NUTM2F: variants seen among roughly 807,000 people sequenced by gnomAD.
NUTM2F encodes family with sequence similarity 22, member F.
NUTM2F carries 22 observed loss-of-function variants against 43.3 expected under a neutral mutation model. The ratio of observed to expected loss-of-function variants is 0.51; its 90% CI spans 0.36 to 0.73. NUTM2F has a LOEUF of 0.73. NUTM2F is among the 30% of genes least tolerant of loss of function. The pLI is 0.00. For synonymous variants in NUTM2F, 202 were observed against 389.0 expected, an observed-to-expected ratio of 0.52 and a Z score of 5.66; for missense variants, 488 against 927.4, an observed-to-expected ratio of 0.53 and a Z score of 6.15.
intron 2 of NUTM2F, among the ~76,000 whole-genome samples, chr9:94,324,517 G>A (rs574896739): frequency 6.6e-6 from 1 of 151,234 alleles, no homozygotes; most frequent in Non-Finnish European, 1.5e-5. Context: ...AAAAAAATTA[G>A]CCGGGCATGG....
At chr9:94,327,248 C>T (rs1346657067) in intron 1 of NUTM2F, among the ~76,000 whole-genome samples, 2 of 151,966 alleles carry the variant, frequency 1.3e-5, no homozygotes, top group Non-Finnish European at 2.9e-5. Context: ...GGATTACAGG[C>T]GCCCGCCACC....
At position 94,325,732 on chromosome 9, in the gene NUTM2F, C is replaced by G. The variant is rs2479581; in HGVS notation, c.219G>C (p.Pro73=). Residue 73 remains proline (P), a synonymous_variant, in exon 2 of 7, where the codon CCG becomes CCC. Transcript: ENST00000253262. ...AGACGTTGGAAGCCCCGGCCCCACT[C>G]GGGCCGCGGCCATCCTGTCCTGCCA... ...PLVAGQDGRG[P]SGAGASNVFV... 1 of 1,611,040 alleles carries G rather than the reference C, an allele frequency of 6.2e-7. No homozygotes were observed. Among genetic ancestry groups the G allele is most frequent in the African/African-American group, 1.3e-5 (1 of 74,342 alleles).
At chr9:94,325,996 G>T (rs549816818) in intron 1 of NUTM2F, 62 bp from the exon 2 acceptor site, 15 of 1,590,766 alleles carry the variant, frequency 9.4e-6, no homozygotes, top group South Asian at 7.9e-5. Flanking sequence ...TAGTCACTGG[G>T]GAATCAGGGG....
Position 94,323,860 on chromosome 9 carries a change from T to A in NUTM2F, c.713+1378A>T, listed in dbSNP as rs542322402. ...TGCTAACTGGACCGCGGCAGAACAG[T>A]GTGGGTGTGTGCCAGGTTCCTGCTG... On this transcript the variant is annotated intron_variant, in intron 2 of 6. Coordinates refer to ENST00000253262, the MANE Select transcript of NUTM2F (RefSeq NM_017561.2). Among the ~76,000 whole-genome samples the A allele has an allele frequency of 5.0e-3, 766 of 152,052 alleles. 3 individuals carry two copies. The highest frequency in any genetic ancestry group is 0.016 in the African/African-American group (678 of 41,464).
At position 94,325,766 on chromosome 9, in the gene NUTM2F, G is replaced by A. The variant is rs1831444773; in HGVS notation, c.185C>T (p.Thr62Ile). The A allele has an allele frequency of 2.5e-6, 4 of 1,612,138 alleles. No homozygotes were observed. Among genetic ancestry groups the A allele is most frequent in the Middle Eastern group, 4.2e-4 (2 of 4,740 alleles). Residue 62 changes from threonine to isoleucine, a missense_variant, in exon 2 of 7, where the codon ACC (threonine) becomes ATC (isoleucine). By Grantham distance (89) the Thr-to-Ile change is moderately conservative (BLOSUM62 -1). Coordinates refer to ENST00000253262, the MANE Select transcript of NUTM2F (RefSeq NM_017561.2). ...GCCATCCTGTCCTGCCACTAGAGGG[G>A]TGCTGGGGAAGGCAGAGAGCACCAG... ...GPLVLSAFPS[T>I]PLVAGQDGRG... is the part of the protein sequence containing the mutation.
At chr9:94,323,350 G>T (rs1041553876) in intron 2 of NUTM2F, among the ~76,000 whole-genome samples, 1 of 152,240 alleles carries the variant, frequency 6.6e-6, no homozygotes, top group African/African-American at 2.4e-5. Flanking sequence ...TGGCCAGTGT[G>T]TTGCACGGTG....
rs367622915 is a variant in NUTM2F at position 94,325,914 on chromosome 9, C to T, written c.37G>A (p.Gly13Ser). 9.6e-5 allele frequency: 155 copies of T among 1,611,772 alleles called. No homozygotes were observed. Among genetic ancestry groups the T allele is most frequent in the Non-Finnish European group, 1.2e-4 (144 of 1,179,802 alleles). Residue 13 changes from glycine (G) to serine (S), a missense_variant, in exon 2 of 7, where the codon GGC (glycine) becomes AGC (serine). Transcript: ENST00000253262. ...GAGGTGCCAGGGTTCACGGTCACGC[C>T]GGGTCCCAGCACTGGGTATGCTGTG... is the stretch of plus-strand genomic sequence containing the variant. ...SNGAYPVLGP[G>S]VTVNPGTSLS... is the part of the protein sequence containing the mutation.
Position 94,319,604 on chromosome 9 carries a change from C to T in NUTM2F, c.1485+9G>A. 1.2e-6 allele frequency: 2 copies of T among 1,612,454 alleles called. No homozygotes were observed. Among genetic ancestry groups the T allele is most frequent in the Non-Finnish European group, 1.7e-6 (2 of 1,179,852 alleles). On this transcript the variant is annotated intron_variant, in intron 6 of 6. Coordinates refer to ENST00000253262, the MANE Select transcript of NUTM2F (RefSeq NM_017561.2). ...GAGTACCTGGGTTCCCCTCCCTCCG[C>T]TGCTCTACCTGGGCAAGGGTGAGTC... is the stretch of plus-strand genomic sequence containing the variant.
At chr9:94,324,225 T>G (rs536605587) in intron 2 of NUTM2F, among the ~76,000 whole-genome samples, 168 of 150,250 alleles carry the variant, frequency 1.1e-3, no homozygotes, top group East Asian at 3.8e-3. Flanking sequence ...AGCCAAGATC[T>G]CACCATTGCA....
rs1831354694 is a variant in NUTM2F, at chr9:94,320,911, A to G, written c.982+182T>C. On this transcript the variant is annotated intron_variant, in intron 4 of 6. Transcript: ENST00000253262. The surrounding 1 kb of genome is among the most constrained non-coding windows in gnomAD (Gnocchi z 4.5). ...GGCCCGGTCAATACCCTGCTTCGTG[A>G]TCACGGGCCACCCATGAAGTAGGTA... Among the ~76,000 whole-genome samples the G allele has an allele frequency of 6.6e-6, 1 of 152,172 alleles. No individual in the cohort carries two copies. Among genetic ancestry groups the G allele is most frequent in the Non-Finnish European group, 1.5e-5 (1 of 68,030 alleles).
chr9:94,324,511 A>C (rs1272948645), intron 2 of NUTM2F, among the ~76,000 whole-genome samples: 1 of 150,116 alleles, frequency 6.7e-6, no homozygotes, highest in Non-Finnish European at 1.5e-5. Flanking sequence ...AAATACAAAA[A>C]AATTAGCCGG....
chr9:94,322,500 A>T (rs7874524), intron 2 of NUTM2F, among the ~76,000 whole-genome samples, 171 bp from the exon 3 acceptor site: 12,084 of 152,174 alleles, frequency 0.079, 525 homozygotes, highest in Non-Finnish European at 0.1. Flanking sequence ...AAGATCCAAC[A>T]TCAATAGAAG....
intron 1 of NUTM2F, among the ~76,000 whole-genome samples, chr9:94,326,346 C>G (rs1831452502): frequency 6.6e-6 from 1 of 151,542 alleles, no homozygotes. Context: ...TTCAGAAGGC[C>G]GACAGGAAAC....
Position 94,325,668 on chromosome 9 carries a change from G to T in NUTM2F, c.283C>A (p.Pro95Thr). Residue 95 changes from proline (P) to threonine (T), a missense_variant, in exon 2 of 7, where the codon CCT becomes ACT. Pro to Thr is a conservative substitution (Grantham distance 38). Coordinates refer to ENST00000253262, the MANE Select transcript of NUTM2F (RefSeq NM_017561.2). ...GTTAGGATCAAGGTCTGTGCCTGAG[G>T]GGGCTTCACAGGCCCCACTTCTGTC... is the stretch of plus-strand genomic sequence containing the variant. ...MRTEVGPVKP[P>T]QAQTLILTQA... The T allele has an allele frequency of 6.2e-7, 1 of 1,610,530 alleles. No homozygotes were observed. Among genetic ancestry groups the T allele is most frequent in the African/African-American group, 1.3e-5 (1 of 74,776 alleles).
intron 2 of NUTM2F, among the ~76,000 whole-genome samples, chr9:94,324,807 A>G (rs1056629252): frequency 6.6e-6 from 1 of 151,646 alleles, no homozygotes; most frequent in Non-Finnish European, 1.5e-5. Flanking sequence ...CCTGACCAAC[A>G]TGGAGAAACC....
At chr9:94,321,994 G>C (rs1831374975) in intron 3 of NUTM2F, among the ~76,000 whole-genome samples, 1 of 151,306 alleles carries the variant, frequency 6.6e-6, no homozygotes, top group Non-Finnish European at 1.5e-5. Context: ...GGCCAGGCAG[G>C]GGGTGCTTCC....
chr9:94,325,211 A>C, intron 2 of NUTM2F, 27 bp downstream of exon 2: 1 of 624,390 alleles, frequency 1.6e-6, no homozygotes. Context: ...GCTGCAGGAC[A>C]AGCTCCGGCG....
chr9:94,320,601 A>C lies in NUTM2F; in HGVS notation c.983-8T>G. 6.3e-7 allele frequency: 1 copy of C among 1,599,290 alleles called. No individual in the cohort carries two copies. Among genetic ancestry groups the C allele is most frequent in the Non-Finnish European group, 8.5e-7 (1 of 1,177,458 alleles). The stretch of plus-strand genomic sequence containing the variant: ...CCTTGCTGGGAAGGTACACTGAGGC[A>C]GAGAGGGAGGAGGATGGGTGTGGTG... On this transcript the variant is annotated splice_region_variant and splice_polypyrimidine_tract_variant and intron_variant, in intron 4 of 6. Transcript: ENST00000253262. This position sits in a 1 kb window ranked among gnomAD's most constrained non-coding sequence, Gnocchi z 4.5.
chr9:94,319,518 C>A lies in NUTM2F; in HGVS notation c.1485+95G>T, dbSNP rs999646719. The A allele has an allele frequency of 2.3e-5, 35 of 1,491,090 alleles. No individual in the cohort carries two copies. The African/African-American group carries it at 4.0e-4, about 17-fold the overall frequency. 92.4% of individuals were successfully genotyped at this position (1,491,090 alleles called of 1,614,324 possible). A position where few individuals can be genotyped will look rare whatever the true frequency, so the allele number is the denominator to read the frequency against. ...GTGGCTCCCCAAGAAGCTGAACATCCCCAGCAGGGTGGGCTTAGACAATCG... is the reference window on the plus strand; with the variant it reads ...GTGGCTCCCCAAGAAGCTGAACATCACCAGCAGGGTGGGCTTAGACAATCG... On this transcript the variant is annotated intron_variant, in intron 6 of 6. Transcript: ENST00000253262.
Sources: gnomAD v4.1 joint callset for allele counts (sites outside exome capture counted in the v4.1 genomes callset) on GRCh38, gnomAD v4.1.1 for gene constraint, Gnocchi (gnomAD v3.1) non-coding constraint, MANE v1.5 for transcripts, NCBI Gene and HGNC (gene_info 2026-07-23, HGNC 2026-07-21) for gene names.